SYNPR: variants seen among roughly 807,000 people sequenced by gnomAD.
The protein encoded by SYNPR is synaptoporin.
SYNPR carries 23 observed loss-of-function variants against 32.9 expected under a neutral mutation model. The observed-to-expected ratio is 0.70, with a 90% CI of 0.50 to 0.99. The LOEUF (loss-of-function observed/expected upper bound fraction) is 0.99. Among genes scored for constraint, SYNPR ranks in the 50% least tolerant of loss-of-function variants. The pLI, the probability that SYNPR is intolerant of heterozygous loss-of-function variation, is 0.00. For synonymous variants in SYNPR, 146 were observed against 135.9 expected, an observed-to-expected ratio of 1.07 and a Z score of -0.52; for missense variants, 318 against 349.3, an observed-to-expected ratio of 0.91 and a Z score of 0.71.
intron 2 of SYNPR, among the ~76,000 whole-genome samples, chr3:63,258,941 A>G (rs1379610159): frequency 6.6e-5 from 10 of 152,332 alleles, no homozygotes; most frequent in Admixed American, 6.5e-4. Flanking sequence ...AATACTATAA[A>G]CACCTCTATG....
At chr3:63,537,996 G>A (rs1383828580) in intron 3 of SYNPR, among the ~76,000 whole-genome samples, 3 of 152,028 alleles carry the variant, frequency 2.0e-5, no homozygotes, top group Admixed American at 1.3e-4. Flanking sequence ...ATTGCCATAG[G>A]ACATACAGCC....
intron 3 of SYNPR, among the ~76,000 whole-genome samples, chr3:63,497,558 T>A (rs906647502): frequency 5.3e-5 from 8 of 151,782 alleles, no homozygotes; most frequent in African/African-American, 1.9e-4. Context: ...TGCTGTTTTT[T>A]TTTTTTTCTT....
chr3:63,479,455 C>G (rs1559511717), intron 2 of SYNPR, among the ~76,000 whole-genome samples: 3 of 152,078 alleles, frequency 2.0e-5, no homozygotes, highest in African/African-American at 7.2e-5. Context: ...TGCACACACA[C>G]ATACACACAC....
At chr3:63,475,610 C>G (rs763478904) in intron 2 of SYNPR, among the ~76,000 whole-genome samples, 3 of 152,134 alleles carry the variant, frequency 2.0e-5, no homozygotes, top group Non-Finnish European at 4.4e-5. Context: ...CGCACACACA[C>G]CACCATGTCT....
intron 4 of SYNPR, among the ~76,000 whole-genome samples, chr3:63,607,172 C>G (rs759966457): frequency 8.6e-5 from 13 of 152,024 alleles, no homozygotes; most frequent in Non-Finnish European, 1.6e-4. Flanking sequence ...TTTAAGGTAA[C>G]TGTGGGCCCT....
chr3:63,489,111 A>G (rs1575671264), intron 3 of SYNPR, among the ~76,000 whole-genome samples: 1 of 152,150 alleles, frequency 6.6e-6, no homozygotes, highest in Non-Finnish European at 1.5e-5. Flanking sequence ...TCCTGGAAGC[A>G]CCGGTGAGGA....
chr3:63,557,229 T>C (rs1702610509), intron 4 of SYNPR, among the ~76,000 whole-genome samples: 1 of 152,190 alleles, frequency 6.6e-6, no homozygotes, highest in African/African-American at 2.4e-5. Flanking sequence ...TAGCCCAGCA[T>C]TTCTAAACAT....
Position 63,243,912 on chromosome 3 carries a change from A to C in SYNPR, n.67-8587A>C, listed in dbSNP as rs191096665. On this transcript the variant is annotated intron_variant and non_coding_transcript_variant, in intron 1 of 4. Transcript: ENST00000478456. ...ACAAAACAAAAAAACAGGCTAAGCT[A>C]GGAAGGTGAGTCCTTTCAAAATATT... Among the ~76,000 whole-genome samples the C allele has an allele frequency of 3.1e-4, 47 of 152,240 alleles. No homozygotes were observed. The South Asian group carries it at 9.3e-3, about 30-fold the overall frequency.
chr3:63,282,355 T>C (rs2086638173), intron 2 of SYNPR, among the ~76,000 whole-genome samples: 1 of 152,202 alleles, frequency 6.6e-6, no homozygotes, highest in Non-Finnish European at 1.5e-5. Context: ...ATGAACATAC[T>C]GGATCTAAAT....
chr3:63,599,738 C>T (rs1248182670), intron 4 of SYNPR, among the ~76,000 whole-genome samples: 1 of 152,212 alleles, frequency 6.6e-6, no homozygotes, highest in African/African-American at 2.4e-5. Context: ...GGACAACCAT[C>T]TCCAGCTAGA....
chr3:63,555,172 C>T (rs941692432), intron 3 of SYNPR, among the ~76,000 whole-genome samples: 1 of 151,736 alleles, frequency 6.6e-6, no homozygotes, highest in Non-Finnish European at 1.5e-5. Context: ...GATAGTTTGA[C>T]TTCTTTTCCT....
At chr3:63,350,643 C>A (rs1013832469) in intron 2 of SYNPR, among the ~76,000 whole-genome samples, 1 of 152,206 alleles carries the variant, frequency 6.6e-6, no homozygotes, top group Admixed American at 6.5e-5. Context: ...CTGCAGGGAA[C>A]AGGCAAATAA....
In SYNPR at chr3:63,348,189, T is replaced by A. The variant is rs571611406; in HGVS notation, c.84+69447T>A. Among the ~76,000 whole-genome samples the A allele has an allele frequency of 2.0e-3, 297 of 152,280 alleles. 2 individuals carry two copies. The highest frequency in any genetic ancestry group is 6.8e-3 in the Middle Eastern group (2 of 294). On this transcript the variant is annotated intron_variant, in intron 2 of 5. Transcript: ENST00000478300. ...CCTTTTTTCCATGTCCTAACCAACATGTTATTTTATTGACTTTTTAATAGC... is the reference window on the plus strand; with the variant it reads ...CCTTTTTTCCATGTCCTAACCAACAAGTTATTTTATTGACTTTTTAATAGC...
At chr3:63,582,929 T>C (rs1195203531) in intron 4 of SYNPR, among the ~76,000 whole-genome samples, 1 of 152,104 alleles carries the variant, frequency 6.6e-6, no homozygotes, top group Non-Finnish European at 1.5e-5. Flanking sequence ...CGTGTCCGTA[T>C]AGAAGACCAC....
intron 2 of SYNPR, among the ~76,000 whole-genome samples, chr3:63,400,207 G>A (rs937738383): frequency 1.3e-5 from 2 of 152,178 alleles, no homozygotes; most frequent in African/African-American, 4.8e-5. Context: ...TTCTTAGTGA[G>A]GTACGCCATG....
Position 63,500,835 on chromosome 3 carries a change from G to A in SYNPR, c.209+19879G>A, listed in dbSNP as rs528099663. ...AAGTCCCCAGAGAACTCATTCAAAT[G>A]AGTTAACAATTATAAAATAAACTAT... On this transcript the variant is annotated intron_variant, in intron 3 of 5. Coordinates refer to ENST00000478300, the MANE Select transcript of SYNPR (RefSeq NM_001130003.2). 6.9e-4 allele frequency among the ~76,000 whole-genome samples: 105 copies of A among 152,216 alleles called. 7 individuals carry two copies. In the South Asian group the frequency reaches 0.021, roughly 30 times the overall value.
At chr3:63,494,964 T>A (rs1156945776) in intron 3 of SYNPR, among the ~76,000 whole-genome samples, 2 of 152,126 alleles carry the variant, frequency 1.3e-5, no homozygotes, top group African/African-American at 4.8e-5. Flanking sequence ...ATTTAGCAAA[T>A]GGTTCTCAGA....
At position 63,595,843 on chromosome 3, in the gene SYNPR, A is replaced by T. The variant is rs190473254; in HGVS notation, c.409-13282A>T. On this transcript the variant is annotated intron_variant, in intron 4 of 5. Transcript: ENST00000478300. ...TTTATATATATATAGTTATATATATAGTTTTATATATATATAGTTATATAT... is the reference window on the plus strand; with the variant it reads ...TTTATATATATATAGTTATATATATTGTTTTATATATATATAGTTATATAT... Among the ~76,000 whole-genome samples the T allele has an allele frequency of 1.1e-3, 80 of 74,830 alleles. 9 individuals are homozygous for T. The East Asian group carries it at 0.032, about 30-fold the overall frequency. The allele number at this position is 74,830 out of a possible 152,430, so 49.1% of individuals were successfully genotyped here.
chr3:63,575,462 C>T (rs924391320), intron 4 of SYNPR, among the ~76,000 whole-genome samples: 16 of 152,088 alleles, frequency 1.1e-4, no homozygotes, highest in Non-Finnish European at 1.5e-4. Flanking sequence ...CAAGGGGTCT[C>T]CCTGCTTAGG....
Sources: allele counts gnomAD v4.1 joint callset (sites outside exome capture counted in the v4.1 genomes callset), GRCh38; gene constraint gnomAD v4.1.1; transcripts MANE v1.5; gene names NCBI Gene and HGNC (gene_info 2026-07-23, HGNC 2026-07-21).